Variants in GRIN3A observed in about 807,000 individuals in gnomAD.
GRIN3A encodes the protein glutamate ionotropic receptor NMDA type subunit 3A.
GRIN3A carries 47 observed loss-of-function variants against 92.4 expected under a neutral mutation model. The observed-to-expected ratio is 0.51, with a 90% CI of 0.40 to 0.65. The LOEUF (loss-of-function observed/expected upper bound fraction) is 0.65. Among genes scored for constraint, GRIN3A ranks in the 30% least tolerant of loss-of-function variants. The pLI is 0.00. For synonymous variants in GRIN3A, 527 were observed against 540.6 expected (o/e 0.97, Z 0.35); for missense variants, 1,324 against 1,393.1 (o/e 0.95, Z 0.79).
At chr9:101,659,240 A>G (rs571438305) in intron 3 of GRIN3A, among the ~76,000 whole-genome samples, 53 of 151,904 alleles carry the variant, frequency 3.5e-4, no homozygotes, top group African/African-American at 1.2e-3. Context: ...ATGTGAACAC[A>G]GAGTTAATAG....
chr9:101,713,893 G>T (rs1411797244), intron 1 of GRIN3A, among the ~76,000 whole-genome samples: 1 of 152,064 alleles, frequency 6.6e-6, no homozygotes, highest in Non-Finnish European at 1.5e-5. Flanking sequence ...CTGGGCAACA[G>T]AGTGGAGCCC....
At chr9:101,656,627 C>A (rs956764386) in intron 3 of GRIN3A, among the ~76,000 whole-genome samples, 3 of 151,840 alleles carry the variant, frequency 2.0e-5, no homozygotes, top group Admixed American at 2.0e-4. Flanking sequence ...AGGTCTAGGG[C>A]AGAGCCTGAG....
intron 2 of GRIN3A, among the ~76,000 whole-genome samples, chr9:101,684,165 C>T (rs1374288150): frequency 1.3e-5 from 2 of 150,174 alleles, no homozygotes; most frequent in Admixed American, 6.6e-5. Flanking sequence ...TGCAGTGGCA[C>T]GATCTCGGCT....
chr9:101,654,663 C>T (rs1829061290), intron 3 of GRIN3A, among the ~76,000 whole-genome samples: 1 of 151,422 alleles, frequency 6.6e-6, no homozygotes, highest in African/African-American at 2.4e-5. Context: ...GTTTCCTCTC[C>T]TCTTTTCCTC....
intron 2 of GRIN3A, among the ~76,000 whole-genome samples, chr9:101,677,023 C>CT (rs775778979): frequency 1.2e-3 from 175 of 144,886 alleles, no homozygotes; most frequent in African/African-American, 2.1e-3. Context: ...CTTATGTAGT[C>CT]TTTTTTTTTT....
chr9:101,647,458 C>G (rs958955644), intron 3 of GRIN3A, among the ~76,000 whole-genome samples: 2 of 151,112 alleles, frequency 1.3e-5, no homozygotes, highest in African/African-American at 2.4e-5. Flanking sequence ...GTAATTTTCG[C>G]CTTTTTTTTG....
intron 6 of GRIN3A, among the ~76,000 whole-genome samples, chr9:101,587,732 G>A (rs184059554): frequency 1.0e-3 from 157 of 152,232 alleles, no homozygotes; most frequent in Middle Eastern, 6.8e-3. Flanking sequence ...AGCCAAATGC[G>A]ATGTTCAAGA....
At chr9:101,596,062 G>C (rs976127058) in intron 6 of GRIN3A, among the ~76,000 whole-genome samples, 1 of 152,158 alleles carries the variant, frequency 6.6e-6, no homozygotes. Flanking sequence ...ACAGTTCAAA[G>C]GGACTTGGGG....
intron 3 of GRIN3A, among the ~76,000 whole-genome samples, chr9:101,641,288 A>G (rs1433967705): frequency 6.6e-6 from 1 of 152,188 alleles, no homozygotes; most frequent in African/African-American, 2.4e-5. Context: ...ATTACTGGGT[A>G]TATACCCAAC....
intron 1 of GRIN3A, among the ~76,000 whole-genome samples, chr9:101,726,277 C>A (rs1830081605): frequency 6.6e-6 from 1 of 152,092 alleles, no homozygotes; most frequent in Admixed American, 6.6e-5. Flanking sequence ...CAGGCTAAGT[C>A]CTATCATAAG....
At chr9:101,660,751 C>A (rs975594770) in intron 3 of GRIN3A, among the ~76,000 whole-genome samples, 11 of 151,522 alleles carry the variant, frequency 7.3e-5, no homozygotes, top group African/African-American at 2.7e-4. Flanking sequence ...TTATAGCATA[C>A]CACATTGCCC....
chr9:101,604,192 GAGAA>G lies in GRIN3A; in HGVS notation c.2766+9180_2766+9183del, dbSNP rs963060717. ...GAAGGAAGGGAAGGAGGGAGAAAGA[GAGAA>G]AGAAAGGGAAGGAATGAAGGAAAGG... On this transcript the variant is annotated intron_variant, in intron 6 of 8. Coordinates refer to ENST00000361820, the MANE Select transcript of GRIN3A (RefSeq NM_133445.3). Among the ~76,000 whole-genome samples, 7 of 151,970 alleles carry G rather than the reference GAGAA, an allele frequency of 4.6e-5. No homozygotes were observed. In the South Asian group the frequency reaches 6.2e-4, roughly 14 times the overall value.
intron 1 of GRIN3A, among the ~76,000 whole-genome samples, chr9:101,692,621 G>C (rs879589525): frequency 6.6e-6 from 1 of 152,120 alleles, no homozygotes; most frequent in Non-Finnish European, 1.5e-5. Flanking sequence ...TGTTTCCACT[G>C]CTTTTACCAG....
chr9:101,709,030 G>A (rs1829844314), intron 1 of GRIN3A, among the ~76,000 whole-genome samples: 1 of 151,996 alleles, frequency 6.6e-6, no homozygotes. Flanking sequence ...ATGACCCTTG[G>A]CAATGGACTC....
At chr9:101,696,421 A>G (rs532466760) in intron 1 of GRIN3A, among the ~76,000 whole-genome samples, 32 of 152,208 alleles carry the variant, frequency 2.1e-4, no homozygotes, top group Non-Finnish European at 3.5e-4. Flanking sequence ...ATCTGATGCC[A>G]ACTTCTTAAT....
At chr9:101,656,406 G>C (rs975800865) in intron 3 of GRIN3A, among the ~76,000 whole-genome samples, 1 of 151,852 alleles carries the variant, frequency 6.6e-6, no homozygotes, top group African/African-American at 2.4e-5. Flanking sequence ...GGAAGTCAAT[G>C]GAACATTAAG....
chr9:101,584,462 C>G (rs1199593201), intron 6 of GRIN3A, among the ~76,000 whole-genome samples: 1 of 152,166 alleles, frequency 6.6e-6, no homozygotes, highest in African/African-American at 2.4e-5. Flanking sequence ...CACTATACAA[C>G]TAATGTTTTA....
At chr9:101,643,781 A>G (rs1828898280) in intron 3 of GRIN3A, among the ~76,000 whole-genome samples, 1 of 150,878 alleles carries the variant, frequency 6.6e-6, no homozygotes, top group African/African-American at 2.4e-5. Flanking sequence ...TATTATGTTA[A>G]ATGAAATAAG....
intron 2 of GRIN3A, among the ~76,000 whole-genome samples, chr9:101,678,098 C>T (rs1829422628): frequency 6.6e-6 from 1 of 152,082 alleles, no homozygotes. Flanking sequence ...CTCACTGAGT[C>T]ATCTTTGACT....
Sources: gnomAD v4.1 joint callset for allele counts (sites outside exome capture counted in the v4.1 genomes callset) on GRCh38, gnomAD v4.1.1 for gene constraint, MANE v1.5 for transcripts, NCBI Gene and HGNC (gene_info 2026-07-23, HGNC 2026-07-21) for gene names.